Variants in CCDC178 observed in about 807,000 individuals in gnomAD.
The protein encoded by CCDC178 is coiled-coil domain-containing protein 178.
CCDC178 carries 126 observed loss-of-function variants against 117.4 expected under a neutral mutation model. The observed-to-expected ratio is 1.07, with a 90% confidence interval of 0.93 to 1.24. CCDC178 has a LOEUF of 1.24. CCDC178 is among the 50% of genes most tolerant of loss of function. The pLI is 0.00. For missense variants in CCDC178, 1,030 were observed against 986.9 expected (o/e 1.04, Z -0.59); for synonymous variants, 283 against 313.4 (o/e 0.90, Z 1.02).
intron 21 of CCDC178, among the ~76,000 whole-genome samples, chr18:33,044,925 G>A (rs2144905864): frequency 6.6e-6 from 1 of 152,212 alleles, no homozygotes; most frequent in South Asian, 2.1e-4. Flanking sequence ...GAAACAGAAA[G>A]TCAAATACAG....
intron 21 of CCDC178, 89 bp from the exon 22 acceptor site, chr18:32,974,770 T>C (rs2054999305): frequency 6.0e-6 from 8 of 1,334,944 alleles, no homozygotes; most frequent in South Asian, 3.8e-5. Flanking sequence ...GAGGGAAATA[T>C]AGAAAGCAGT....
At chr18:33,395,976 G>A (rs1027285600) in intron 4 of CCDC178, among the ~76,000 whole-genome samples, 4 of 151,732 alleles carry the variant, frequency 2.6e-5, no homozygotes, top group Non-Finnish European at 4.4e-5. Flanking sequence ...AAATAATAAC[G>A]TTTGTGCATC....
At chr18:33,030,225 T>C (rs2056308591) in intron 21 of CCDC178, among the ~76,000 whole-genome samples, 1 of 152,058 alleles carries the variant, frequency 6.6e-6, no homozygotes, top group Non-Finnish European at 1.5e-5. Flanking sequence ...ATAAAATGCC[T>C]CTCTTTATGC....
intron 20 of CCDC178, among the ~76,000 whole-genome samples, chr18:33,105,815 CT>C (rs1417812281): frequency 6.6e-6 from 1 of 151,508 alleles, no homozygotes; most frequent in East Asian, 2.0e-4. Flanking sequence ...AAACTACCTG[CT>C]TTGCTGCCTC....
chr18:33,418,389 G>A (rs999231497), intron 2 of CCDC178, among the ~76,000 whole-genome samples: 1 of 151,916 alleles, frequency 6.6e-6, no homozygotes, highest in African/African-American at 2.4e-5. Flanking sequence ...TCATCATACT[G>A]AACGGACAAA....
At chr18:33,402,714 A>C (rs1467462833) in intron 3 of CCDC178, among the ~76,000 whole-genome samples, 1 of 152,188 alleles carries the variant, frequency 6.6e-6, no homozygotes, top group African/African-American at 2.4e-5. Flanking sequence ...AATAGTATCC[A>C]GATTTTGAGG....
chr18:32,940,809 A>G (rs988060060), intron 22 of CCDC178, among the ~76,000 whole-genome samples: 2 of 152,118 alleles, frequency 1.3e-5, no homozygotes, highest in Non-Finnish European at 2.9e-5. Context: ...AGTCCCCCTT[A>G]TGCAAAACAT....
In CCDC178 at chr18:33,267,201, C is replaced by A; in HGVS notation, c.1272+1G>T. 6.3e-7 allele frequency: 1 copy of A among 1,588,480 alleles called. No individual in the cohort carries two copies. Among genetic ancestry groups the A allele is most frequent in the Non-Finnish European group, 8.5e-7 (1 of 1,171,844 alleles). On this transcript the variant is annotated splice_donor_variant, in intron 13 of 22. Transcript: ENST00000383096. LOFTEE classifies it high-confidence loss of function. ...TGGGAAGTAGGAAAAAATCAACTTA[C>A]TGCAGCATAAAAATCATTAACTGCT...
intron 14 of CCDC178, among the ~76,000 whole-genome samples, chr18:33,250,262 A>G (rs1190105787): frequency 2.0e-5 from 3 of 151,860 alleles, no homozygotes; most frequent in Admixed American, 1.3e-4. Context: ...AAGATGTTCA[A>G]TAGTAATTTA....
chr18:33,129,600 C>G (rs898543936), intron 20 of CCDC178, among the ~76,000 whole-genome samples: 5 of 151,918 alleles, frequency 3.3e-5, no homozygotes, highest in African/African-American at 1.2e-4. Flanking sequence ...AATGCTAAAA[C>G]TTGGATATGG....
At chr18:32,955,538 T>C (rs943934811) in intron 22 of CCDC178, among the ~76,000 whole-genome samples, 3 of 152,198 alleles carry the variant, frequency 2.0e-5, no homozygotes, top group Non-Finnish European at 4.4e-5. Context: ...CTGAATCTGG[T>C]TCATCTTTAT....
intron 2 of CCDC178, among the ~76,000 whole-genome samples, chr18:33,414,980 G>T (rs2144909283): frequency 6.6e-6 from 1 of 152,320 alleles, no homozygotes; most frequent in Non-Finnish European, 1.5e-5. Context: ...TCAGAGAAAT[G>T]CAAATCAAAA....
chr18:33,408,311 C>T (rs2063808396), intron 3 of CCDC178, among the ~76,000 whole-genome samples: 1 of 147,090 alleles, frequency 6.8e-6, no homozygotes, highest in Non-Finnish European at 1.5e-5. Context: ...AAGATGTGTG[C>T]ACATTTTAGT....
intron 20 of CCDC178, among the ~76,000 whole-genome samples, chr18:33,171,049 G>T (rs1277339168): frequency 6.6e-6 from 1 of 152,024 alleles, no homozygotes; most frequent in Non-Finnish European, 1.5e-5. Context: ...ATCTGTTTTT[G>T]CTTTTTTTCC....
chr18:33,422,111 A>T (rs1279725219), intron 2 of CCDC178, among the ~76,000 whole-genome samples: 1 of 152,154 alleles, frequency 6.6e-6, no homozygotes, highest in African/African-American at 2.4e-5. Context: ...GAGCTCATAC[A>T]TCCTCTTGAA....
chr18:33,219,504 T>C (rs1453920154), intron 18 of CCDC178, among the ~76,000 whole-genome samples: 1 of 152,112 alleles, frequency 6.6e-6, no homozygotes, highest in Non-Finnish European at 1.5e-5. Flanking sequence ...CTATTCACAA[T>C]AGCAAAGACT....
chr18:32,951,129 CT>C (rs1168098548), intron 22 of CCDC178, among the ~76,000 whole-genome samples: 2 of 151,994 alleles, frequency 1.3e-5, no homozygotes, highest in Non-Finnish European at 2.9e-5. Flanking sequence ...TTAATTTATT[CT>C]TTTTTTACTC....
chr18:33,099,207 C>T (rs2057588103), intron 20 of CCDC178, among the ~76,000 whole-genome samples: 1 of 152,028 alleles, frequency 6.6e-6, no homozygotes, highest in Non-Finnish European at 1.5e-5. Flanking sequence ...AATGTATCCA[C>T]ATATTTAGTA....
At chr18:32,980,314 T>C (rs2055122604) in intron 21 of CCDC178, among the ~76,000 whole-genome samples, 1 of 152,010 alleles carries the variant, frequency 6.6e-6, no homozygotes, top group South Asian at 2.1e-4. Context: ...CCGGGCGCGG[T>C]GGCTCACGCC....
Sources: allele counts gnomAD v4.1 joint callset (sites outside exome capture counted in the v4.1 genomes callset), GRCh38; gene constraint gnomAD v4.1.1; transcripts MANE v1.5; gene names NCBI Gene and HGNC (gene_info 2026-07-23, HGNC 2026-07-21).